The following EMID1 variants were observed in gnomAD, a reference collection of about 807,000 sequenced individuals.
EMID1 encodes the protein EMI domain-containing protein 1.
EMID1 carries 40 observed loss-of-function variants against 60.6 expected under a neutral mutation model. That is an observed-to-expected ratio of 0.66 (90% confidence interval 0.51 to 0.86). EMID1 has a LOEUF of 0.86. Among genes scored for constraint, EMID1 ranks in the 40% least tolerant of loss-of-function variants. The probability of loss-of-function intolerance (pLI) is 0.00; values close to 1 mark genes in which losing one functional copy is unlikely to be tolerated. For missense variants in EMID1, 585 were observed against 597.1 expected (o/e 0.98, Z 0.21); for synonymous variants, 242 against 231.0 (o/e 1.05, Z -0.43).
chr22:29,247,032 G>T (rs994795073), intron 13 of EMID1, among the ~76,000 whole-genome samples: 1 of 152,050 alleles, frequency 6.6e-6, no homozygotes, highest in African/African-American at 2.4e-5. Flanking sequence ...AGGCTGGAGT[G>T]CAACAGCTCA....
At chr22:29,256,358 G>A (rs765423480) in intron 14 of EMID1, among the ~76,000 whole-genome samples, 7 of 151,522 alleles carry the variant, frequency 4.6e-5, no homozygotes, top group East Asian at 1.9e-4. Context: ...CCAGCTACTC[G>A]GGAGGCTGAG....
At chr22:29,247,137 AT>A (rs1023994377) in intron 13 of EMID1, among the ~76,000 whole-genome samples, 37 of 150,736 alleles carry the variant, frequency 2.5e-4, no homozygotes, top group African/African-American at 8.6e-4. Flanking sequence ...TGCCTGGCTA[AT>A]TTTTGTATTT....
At chr22:29,217,819 C>T (rs1028073016) in intron 3 of EMID1, among the ~76,000 whole-genome samples, 18 of 152,302 alleles carry the variant, frequency 1.2e-4, no homozygotes, top group African/African-American at 4.3e-4. Flanking sequence ...GGTCTCTGCC[C>T]TTCCTCCCAC....
chr22:29,234,348 G>T lies in EMID1; in HGVS notation c.1073G>T (p.Arg358Leu). Residue 358 changes from arginine to leucine, a missense_variant and splice_region_variant, in exon 12 of 15, where the codon CGG becomes CTG. Physicochemically the swap from Arg to Leu is moderately radical, Grantham distance 102 (BLOSUM62 -2). Transcript: ENST00000334018. ...GGCCCCCAAGGCTCTGCTGGGCAGC[G>T]GGTAAGTGTTGCTGTCTGTCCCGCA... is the stretch of plus-strand genomic sequence containing the variant. ...EPGPQGSAGQ[R>L]GEPGPKGDPG... The T allele has an allele frequency of 6.2e-7, 1 of 1,613,366 alleles. No individual in the cohort carries two copies.
At chr22:29,209,270 G>A (rs2039794364) in intron 1 of EMID1, among the ~76,000 whole-genome samples, 1 of 152,164 alleles carries the variant, frequency 6.6e-6, no homozygotes, top group Non-Finnish European at 1.5e-5. Context: ...GGCTGAGCTG[G>A]TCTGGCCTGT....
At chr22:29,207,551 C>A (rs1231256959) in intron 1 of EMID1, among the ~76,000 whole-genome samples, 1 of 152,172 alleles carries the variant, frequency 6.6e-6, no homozygotes, top group Non-Finnish European at 1.5e-5. Flanking sequence ...AGGCCCAGAC[C>A]GCCCTGCAGC....
At chr22:29,209,830 G>C (rs528240930) in intron 1 of EMID1, among the ~76,000 whole-genome samples, 1 of 152,192 alleles carries the variant, frequency 6.6e-6, no homozygotes, top group African/African-American at 2.4e-5. Context: ...GAGTGTGCAG[G>C]AGAGGTGAGC....
At chr22:29,235,671 A>G (rs1279166017) in intron 12 of EMID1, among the ~76,000 whole-genome samples, 1 of 151,880 alleles carries the variant, frequency 6.6e-6, no homozygotes, top group African/African-American at 2.4e-5. Flanking sequence ...TTCTTGCCTC[A>G]GCCTCCCAAG....
intron 13 of EMID1, chr22:29,253,853 A>G: frequency 1.0e-6 from 1 of 964,382 alleles, no homozygotes; most frequent in Non-Finnish European, 1.2e-6. Context: ...GGCGACAGAC[A>G]TTAGAGGACA....
chr22:29,213,930 A>C (rs1001880725), intron 1 of EMID1, among the ~76,000 whole-genome samples: 1 of 152,158 alleles, frequency 6.6e-6, no homozygotes, highest in Non-Finnish European at 1.5e-5. Context: ...TTCTCCACGC[A>C]CCAGCTGTGA....
intron 1 of EMID1, among the ~76,000 whole-genome samples, chr22:29,210,705 G>A (rs2039850729): frequency 6.6e-6 from 1 of 152,110 alleles, no homozygotes; most frequent in African/African-American, 2.4e-5. Flanking sequence ...TTTAATTAAG[G>A]AAGAAGAAGG....
At chr22:29,237,346 A>AC (rs2040990503) in intron 12 of EMID1, among the ~76,000 whole-genome samples, 1 of 142,462 alleles carries the variant, frequency 7.0e-6, no homozygotes, top group Non-Finnish European at 1.5e-5. Flanking sequence ...CTGCCTGGCT[A>AC]ATTTTTATAT....
intron 1 of EMID1, among the ~76,000 whole-genome samples, chr22:29,213,325 G>C (rs555785237): frequency 6.6e-6 from 1 of 152,300 alleles, no homozygotes; most frequent in African/African-American, 2.4e-5. Context: ...GCAGGCACCT[G>C]TCACCTCTGC....
rs190768157 is a variant in EMID1, at chr22:29,231,273, G to A, written c.586+133G>A. The A allele has an allele frequency of 3.4e-5, 46 of 1,358,964 alleles. 1 individual carries two copies. In the Middle Eastern group the frequency reaches 7.7e-4, roughly 23 times the overall value. 84.2% of individuals were successfully genotyped at this position (1,358,964 alleles called of 1,614,324 possible). A position where few individuals can be genotyped will look rare whatever the true frequency, so the allele number is the denominator to read the frequency against. The stretch of plus-strand genomic sequence containing the variant: ...GTGGGCCTCAGTCTTCCCATTTCCC[G>A]TTTCTTAGACCCGCCTAAGAGGACC... On this transcript the variant is annotated intron_variant, in intron 6 of 14. Coordinates refer to ENST00000334018, the MANE Select transcript of EMID1 (RefSeq NM_133455.4).
chr22:29,208,147 C>T (rs1268275169), intron 1 of EMID1, among the ~76,000 whole-genome samples: 2 of 152,202 alleles, frequency 1.3e-5, no homozygotes, highest in Non-Finnish European at 2.9e-5. Flanking sequence ...CCAGAACCTC[C>T]ACTTGTGGCC....
chr22:29,215,922 A>G (rs907069932), intron 3 of EMID1, among the ~76,000 whole-genome samples: 1 of 152,196 alleles, frequency 6.6e-6, no homozygotes, highest in Non-Finnish European at 1.5e-5. Context: ...CTCGGGGAAA[A>G]CCCATCCAGA....
At chr22:29,229,412 G>A (rs2040645855) in intron 5 of EMID1, among the ~76,000 whole-genome samples, 1 of 152,128 alleles carries the variant, frequency 6.6e-6, no homozygotes, top group Non-Finnish European at 1.5e-5. Flanking sequence ...GGGAAGCTGA[G>A]GCGGGCGGAT....
intron 12 of EMID1, among the ~76,000 whole-genome samples, chr22:29,238,445 C>A (rs2041040581): frequency 7.1e-6 from 1 of 141,692 alleles, no homozygotes; most frequent in Non-Finnish European, 1.5e-5. Context: ...GAGATGAAAT[C>A]TCACTCTTGT....
intron 13 of EMID1, among the ~76,000 whole-genome samples, chr22:29,245,670 C>T (rs1252126797): frequency 1.3e-5 from 2 of 152,208 alleles, no homozygotes; most frequent in African/African-American, 4.8e-5. Context: ...AACCAACTCC[C>T]TTAGTGCAGC....
Sources: allele counts gnomAD v4.1 joint callset (sites outside exome capture counted in the v4.1 genomes callset), GRCh38; gene constraint gnomAD v4.1.1; transcripts MANE v1.5; gene names NCBI Gene and HGNC (gene_info 2026-07-23, HGNC 2026-07-21).